Variants in LARP1 observed in about 807,000 individuals in gnomAD.
The protein encoded by LARP1 is La ribonucleoprotein 1, translational regulator.
In LARP1, 36 loss-of-function variants were observed where a neutral mutation model predicts 122.7. That is an observed-to-expected ratio of 0.29 (90% CI 0.22 to 0.39). The LOEUF (loss-of-function observed/expected upper bound fraction) is 0.39, where lower values mean the gene tolerates loss of function less well. Among genes scored for constraint, LARP1 ranks in the 10% least tolerant of loss-of-function variants. The pLI is 1.00. For missense variants in LARP1, 1,040 were observed against 1,403.6 expected (o/e 0.74, Z 4.14); for synonymous variants, 539 against 528.7 (o/e 1.02, Z -0.27).
chr5:154,802,505 A>G lies in LARP1; in HGVS notation c.2109+106A>G. ...AATTTTAGGCAGGTCCTTATAATTC[A>G]GAGTCTCAGGATTTTTATATATGGG... is the stretch of plus-strand genomic sequence containing the variant. On this transcript the variant is annotated intron_variant, in intron 11 of 18. Transcript: ENST00000518297. This position sits in a 1 kb window ranked among gnomAD's most constrained non-coding sequence, Gnocchi z 5.1. 7.4e-7 allele frequency: 1 copy of G among 1,346,286 alleles called. No homozygotes were observed. The highest frequency in any genetic ancestry group is 1.6e-5 in the South Asian group (1 of 64,202). 83.4% of individuals were successfully genotyped at this position (1,346,286 alleles called of 1,614,324 possible).
upstream of LARP1, among the ~76,000 whole-genome samples, chr5:154,753,506 A>C (rs1014224514): frequency 2.6e-5 from 4 of 152,222 alleles, no homozygotes; most frequent in African/African-American, 9.6e-5. Context: ...TTAAGAGTAC[A>C]TGTAATGAAC....
chr5:154,796,164 G>GTATTATATATATATTTTATA (rs1757829294), intron 8 of LARP1, among the ~76,000 whole-genome samples: 1 of 104,140 alleles, frequency 9.6e-6, no homozygotes, highest in African/African-American at 4.1e-5. Flanking sequence ...TATATTTTAT[G>GTATTATATATATATTTTATA]TATTTATATA....
intron 1 of LARP1, among the ~76,000 whole-genome samples, chr5:154,788,244 C>T (rs1757042855): frequency 1.3e-5 from 2 of 152,166 alleles, no homozygotes; most frequent in Non-Finnish European, 2.9e-5. Flanking sequence ...CAGAATGGCC[C>T]CTTGGGCCTA....
At chr5:154,806,879 A>G (rs1170091690) in intron 15 of LARP1, among the ~76,000 whole-genome samples, 1 of 152,218 alleles carries the variant, frequency 6.6e-6, no homozygotes, top group Non-Finnish European at 1.5e-5. Context: ...GTACTCATAT[A>G]GTTGTGTGCC....
At chr5:154,690,470 A>G (rs1026920207) in intron 1 of LARP1, among the ~76,000 whole-genome samples, 3 of 152,206 alleles carry the variant, frequency 2.0e-5, no homozygotes, top group Non-Finnish European at 4.4e-5. Flanking sequence ...TGTATGAAGC[A>G]CGGTTATTTT....
intron 1 of LARP1, among the ~76,000 whole-genome samples, chr5:154,725,173 T>G (rs995246158): frequency 4.6e-5 from 7 of 151,642 alleles, no homozygotes; most frequent in South Asian, 2.1e-4. Context: ...GGGTGGATCA[T>G]GAGGTCAGGA....
chr5:154,696,923 G>A (rs1371802381), intron 1 of LARP1, among the ~76,000 whole-genome samples: 1 of 152,226 alleles, frequency 6.6e-6, no homozygotes, highest in African/African-American at 2.4e-5. Context: ...GAGGGGTGTA[G>A]AGGAAATCGT....
chr5:154,760,766 C>G (rs1257544058), intron 1 of LARP1, among the ~76,000 whole-genome samples: 1 of 152,160 alleles, frequency 6.6e-6, no homozygotes, highest in Non-Finnish European at 1.5e-5. Flanking sequence ...CACACTATTT[C>G]CAATAAATAA....
chr5:154,752,511 G>A (rs1157367871), upstream of LARP1, among the ~76,000 whole-genome samples: 4 of 152,096 alleles, frequency 2.6e-5, no homozygotes, highest in African/African-American at 4.8e-5. Context: ...CCAAAGTGCC[G>A]GGATTACAGG....
At chr5:154,767,586 TGTG>T (rs1484423811) in intron 1 of LARP1, among the ~76,000 whole-genome samples, 1 of 152,170 alleles carries the variant, frequency 6.6e-6, no homozygotes, top group East Asian at 1.9e-4. Flanking sequence ...AAGCTCAAAT[TGTG>T]GTGCTTGAGA....
At chr5:154,813,481 A>C (rs903131635) in intron 18 of LARP1, among the ~76,000 whole-genome samples, 5 of 152,222 alleles carry the variant, frequency 3.3e-5, no homozygotes, top group African/African-American at 1.2e-4. Flanking sequence ...TGCATGCCAC[A>C]TTCCACATTT....
intron 1 of LARP1, among the ~76,000 whole-genome samples, chr5:154,688,258 C>T (rs1240724456): frequency 6.6e-6 from 1 of 152,058 alleles, no homozygotes; most frequent in Non-Finnish European, 1.5e-5. Flanking sequence ...GCTGAGCACT[C>T]TATCCCTGAA....
At chr5:154,804,377 T>A in intron 14 of LARP1, 70 bp downstream of exon 14, 1 of 1,130,568 alleles carries the variant, frequency 8.8e-7, no homozygotes, top group South Asian at 1.3e-5. Flanking sequence ...TGAAATTGAC[T>A]GGACCAAGAA....
intron 1 of LARP1, among the ~76,000 whole-genome samples, chr5:154,701,519 C>T (rs1387178422): frequency 3.3e-5 from 5 of 152,126 alleles, no homozygotes; most frequent in Non-Finnish European, 5.9e-5. Context: ...GCCAGTCAGA[C>T]CCCCTGGTCA....
intron 8 of LARP1, among the ~76,000 whole-genome samples, chr5:154,796,183 A>G (rs1757833818): frequency 7.7e-6 from 1 of 129,532 alleles, no homozygotes; most frequent in Non-Finnish European, 1.6e-5. Flanking sequence ...TATTATATAT[A>G]TATTTTATAT....
At chr5:154,727,377 G>A (rs1328933270) in intron 1 of LARP1, among the ~76,000 whole-genome samples, 3 of 152,160 alleles carry the variant, frequency 2.0e-5, no homozygotes, top group African/African-American at 7.2e-5. Context: ...TGTCTCCACA[G>A]AAATAATGAA....
intron 1 of LARP1, among the ~76,000 whole-genome samples, chr5:154,717,060 CA>C (rs35371808): frequency 0.64 from 79,530 of 124,364 alleles, 22,708 homozygotes; most frequent in African/African-American, 0.73. Context: ...ACCCTGTCTC[CA>C]AAAAAAAAAA....
intron 1 of LARP1, chr5:154,718,780 C>T (rs1755672901): frequency 6.6e-6 from 1 of 152,232 alleles, no homozygotes; most frequent in Non-Finnish European, 1.5e-5. Flanking sequence ...TTGGAAGCTA[C>T]CTACGGGCAT....
intron 7 of LARP1, 67 bp from the exon 8 acceptor site, chr5:154,795,108 A>G: frequency 6.7e-7 from 1 of 1,485,282 alleles, no homozygotes; most frequent in South Asian, 1.2e-5. Flanking sequence ...TAGCAGAACA[A>G]GGAAGGCATA....
Sources: allele counts gnomAD v4.1 joint callset (sites outside exome capture counted in the v4.1 genomes callset), GRCh38; gene constraint gnomAD v4.1.1; non-coding constraint Gnocchi (gnomAD v3.1); transcripts MANE v1.5; gene names NCBI Gene and HGNC (gene_info 2026-07-23, HGNC 2026-07-21).